The following POLR1B variants were observed in gnomAD, a reference collection of about 807,000 sequenced individuals.
POLR1B encodes the protein RNA polymerase I subunit B.
Under a neutral mutation model 105.8 loss-of-function variants are expected in POLR1B, and 30 were observed. The observed-to-expected ratio is 0.28, with a 90% confidence interval of 0.21 to 0.38. The LOEUF (loss-of-function observed/expected upper bound fraction) is 0.38, where lower values mean the gene tolerates loss of function less well. POLR1B is among the 10% of genes least tolerant of loss of function. The pLI, the probability that POLR1B is intolerant of heterozygous loss-of-function variation, is 1.00. For missense variants in POLR1B, 976 were observed against 1,435.8 expected (o/e 0.68, Z 5.17); for synonymous variants, 485 against 505.1 (o/e 0.96, Z 0.53).
chr2:112,572,210 C>T (rs373009597), intron 12 of POLR1B, among the ~76,000 whole-genome samples: 24 of 152,252 alleles, frequency 1.6e-4, no homozygotes, highest in South Asian at 1.2e-3. Context: ...CTGTAATTTG[C>T]GTACTTCCTT....
At chr2:112,558,589 C>A (rs983124833) in intron 8 of POLR1B, among the ~76,000 whole-genome samples, 4 of 151,442 alleles carry the variant, frequency 2.6e-5, no homozygotes, top group African/African-American at 9.7e-5. Flanking sequence ...ACCCTAGAAA[C>A]TTAAAAAGTG....
chr2:112,579,079 A>AAAAATTAG lies in POLR1B; in HGVS notation c.*3350_*3351insAAAATTAG, dbSNP rs1684984730. Among the ~76,000 whole-genome samples, 1 of 151,928 alleles carries AAAAATTAG rather than the reference A, an allele frequency of 6.6e-6. No individual in the cohort carries two copies. The highest frequency in any genetic ancestry group is 1.5e-5 in the Non-Finnish European group (1 of 67,982). Reference sequence around the variant, plus strand: ...AAAAATTAGCTGGGTGTGATGGCACACGCCTGTAATCCCAGCTACTCAGGA... The same window carrying AAAAATTAG: ...AAAAATTAGCTGGGTGTGATGGCACAAAAATTAGCGCCTGTAATCCCAGCTACTCAGGA... On this transcript the variant is annotated 3_prime_UTR_variant, in exon 15 of 15. Coordinates refer to ENST00000263331, the MANE Select transcript of POLR1B (RefSeq NM_019014.6).
At chr2:112,546,271 C>T (rs1683035891) in intron 1 of POLR1B, among the ~76,000 whole-genome samples, 1 of 152,168 alleles carries the variant, frequency 6.6e-6, no homozygotes, top group African/African-American at 2.4e-5. Flanking sequence ...TTTGACGTTG[C>T]CATTGTACAT....
intron 4 of POLR1B, 65 bp from the exon 5 acceptor site, chr2:112,550,801 A>G: frequency 6.5e-7 from 1 of 1,541,312 alleles, no homozygotes; most frequent in South Asian, 1.1e-5. Flanking sequence ...TTGTTCAGAA[A>G]GAAAATGGTT....
chr2:112,568,765 T>C lies in POLR1B; in HGVS notation c.1937T>C (p.Ile646Thr). 6.2e-7 allele frequency: 1 copy of C among 1,614,130 alleles called. No individual in the cohort carries two copies. The highest frequency in any genetic ancestry group is 1.1e-5 in the South Asian group (1 of 91,082). ...TMEQIFMNVA[I>T]FEDEVFAGVT... The stretch of plus-strand genomic sequence containing the variant: ...TTCCAGATCTTCATGAATGTCGCTA[T>C]CTTTGAGGATGAAGTTTTTGCTGGA... The change falls in exon 12 of 15, where the codon ATC (isoleucine) becomes ACC (threonine). Residue 646 changes from isoleucine to threonine, a missense_variant. Ile to Thr is a moderately conservative substitution (Grantham distance 89, BLOSUM62 -1). Transcript: ENST00000263331.
intron 7 of POLR1B, among the ~76,000 whole-genome samples, chr2:112,557,477 T>G (rs1333015765): frequency 2.0e-5 from 3 of 152,340 alleles, no homozygotes; most frequent in African/African-American, 7.2e-5. Flanking sequence ...TGAAAAGCCC[T>G]CTTTCAGGTT....
chr2:112,563,704 C>G (rs1684129753), intron 9 of POLR1B, among the ~76,000 whole-genome samples: 1 of 151,898 alleles, frequency 6.6e-6, no homozygotes, highest in South Asian at 2.1e-4. Context: ...TCGAGACCAG[C>G]CTAGGCAACA....
Position 112,547,587 on chromosome 2 carries a change from C to A in POLR1B, c.492+20C>A. On this transcript the variant is annotated intron_variant, in intron 3 of 14. Coordinates refer to ENST00000263331, the MANE Select transcript of POLR1B (RefSeq NM_019014.6). ...GCAGAGGTAATGACGGGCGTCCAGG[C>A]ATGAGACAGTAGAGAAGGCCTGGGT... The A allele has an allele frequency of 6.2e-7, 1 of 1,611,878 alleles. No homozygotes were observed. Among genetic ancestry groups the A allele is most frequent in the Non-Finnish European group, 8.5e-7 (1 of 1,178,962 alleles).
Position 112,547,003 on chromosome 2 carries a change from G to T in POLR1B, c.178-9G>T. The T allele has an allele frequency of 6.2e-7, 1 of 1,613,668 alleles. No homozygotes were observed. Among genetic ancestry groups the T allele is most frequent in the South Asian group, 1.1e-5 (1 of 91,000 alleles). ...TGCAAGCAATTTAATAGTGTGAATT[G>T]CATTTCAGGCTATACCTCCCTTTGA... On this transcript the variant is annotated splice_polypyrimidine_tract_variant and intron_variant, in intron 1 of 14. Transcript: ENST00000263331.
intron 7 of POLR1B, chr2:112,553,665 GTGTT>G (rs1000462494): frequency 6.6e-6 from 1 of 152,052 alleles, no homozygotes; most frequent in Non-Finnish European, 1.5e-5. Context: ...GCGCTGTCTA[GTGTT>G]CAGTGTTAAT....
In POLR1B at chr2:112,559,591, G is replaced by C; in HGVS notation, c.1612+17G>C. ...GCAACTTGGGTATGTAGTGTACAGTGATAAACATCTTGTTTGGTTATGTGG... is the reference window on the plus strand; with the variant it reads ...GCAACTTGGGTATGTAGTGTACAGTCATAAACATCTTGTTTGGTTATGTGG... On this transcript the variant is annotated intron_variant, in intron 9 of 14. Transcript: ENST00000263331. 6.3e-7 allele frequency: 1 copy of C among 1,599,800 alleles called. No individual in the cohort carries two copies.
upstream of POLR1B, chr2:112,542,094 G>A (rs528294564): frequency 2.6e-6 from 4 of 1,535,210 alleles, no homozygotes; most frequent in Non-Finnish European, 3.5e-6. Flanking sequence ...AACAGGTGAA[G>A]GGAAACAGAA....
chr2:112,542,182 G>A (rs906647917), upstream of POLR1B: 8 of 1,535,626 alleles, frequency 5.2e-6, no homozygotes, highest in African/African-American at 1.4e-5. Context: ...ATGCTCAACT[G>A]GGCGGGGAGC....
chr2:112,559,804 G>A (rs1048571280), intron 9 of POLR1B, among the ~76,000 whole-genome samples: 22 of 151,888 alleles, frequency 1.4e-4, no homozygotes, highest in Non-Finnish European at 2.6e-4. Flanking sequence ...CTAATTTTTT[G>A]TATTTTTAGT....
At chr2:112,570,976 T>A (rs1684559324) in intron 12 of POLR1B, among the ~76,000 whole-genome samples, 1 of 151,832 alleles carries the variant, frequency 6.6e-6, no homozygotes, top group South Asian at 2.1e-4. Flanking sequence ...GGCAGGGTTT[T>A]ATCATGTTGG....
At position 112,552,090 on chromosome 2, in the gene POLR1B, G is replaced by A. The variant is rs547949133; in HGVS notation, c.986+92G>A. 6.9e-6 allele frequency: 7 copies of A among 1,018,056 alleles called. No individual in the cohort carries two copies. In the Admixed American group the frequency reaches 1.1e-4, roughly 16 times the overall value. 63.1% of individuals were successfully genotyped at this position (1,018,056 alleles called of 1,614,324 possible). The stretch of plus-strand genomic sequence containing the variant: ...TGCAGTTTGGGCGGGCGAGTCATTT[G>A]GGAATGAGAATGAATCTTGGGGTAG... On this transcript the variant is annotated intron_variant, in intron 6 of 14. Transcript: ENST00000263331.
Position 112,576,703 on chromosome 2 carries a change from T to A in POLR1B, c.*974T>A, listed in dbSNP as rs1684876866. The A allele has an allele frequency of 6.6e-6, 1 of 152,216 alleles. No individual in the cohort carries two copies. The highest frequency in any genetic ancestry group is 2.1e-4 in the South Asian group (1 of 4,832). The allele number at this position is 152,216 out of a possible 1,614,324, so 9.4% of individuals were successfully genotyped here. A position where few individuals can be genotyped will look rare whatever the true frequency, so the allele number is the denominator to read the frequency against. ...CTGTGCATCTATAGTCCCTGCTATT[T>A]GAGAGGCTGAGGTGGGAGGATCATT... On this transcript the variant is annotated 3_prime_UTR_variant, in exon 15 of 15. Coordinates refer to ENST00000263331, the MANE Select transcript of POLR1B (RefSeq NM_019014.6).
chr2:112,566,377 T>G (rs1227036656), intron 10 of POLR1B, among the ~76,000 whole-genome samples: 1 of 152,240 alleles, frequency 6.6e-6, no homozygotes, highest in African/African-American at 2.4e-5. Flanking sequence ...TGATGGATTA[T>G]TAGCTGAATT....
chr2:112,574,703 C>G (rs1275523864), intron 14 of POLR1B, 144 bp from the exon 15 acceptor site: 1 of 755,278 alleles, frequency 1.3e-6, no homozygotes, highest in Non-Finnish European at 2.0e-6. Context: ...GCCTGGGCAA[C>G]AGAGTGAGAC....
Sources: gnomAD v4.1 joint callset for allele counts (sites outside exome capture counted in the v4.1 genomes callset) on GRCh38, gnomAD v4.1.1 for gene constraint, MANE v1.5 for transcripts, NCBI Gene and HGNC (gene_info 2026-07-23, HGNC 2026-07-21) for gene names.